Variants in UMOD observed in about 807,000 individuals in gnomAD.
UMOD encodes Tamm-Horsfall urinary glycoprotein.
In UMOD, 64 loss-of-function variants were observed where a neutral mutation model predicts 66.0. That is an observed-to-expected ratio of 0.97 (90% CI 0.79 to 1.19). UMOD has a LOEUF of 1.19. Ranked by LOEUF, UMOD falls within the 50% of genes most tolerant of loss-of-function variation. UMOD has a pLI of 0.00. For missense variants in UMOD, 764 were observed against 850.9 expected, an observed-to-expected ratio of 0.90 and a Z score of 1.27; for synonymous variants, 398 against 352.7, an observed-to-expected ratio of 1.13 and a Z score of -1.44.
At chr16:20,346,589 T>TG (rs983236173) in intron 4 of UMOD, among the ~76,000 whole-genome samples, 2 of 152,182 alleles carry the variant, frequency 1.3e-5, no homozygotes, top group African/African-American at 4.8e-5. Context: ...AGGACGGTTT[T>TG]GGGGGGTTTT....
At chr16:20,353,363 C>T (rs1315130446), upstream of UMOD, among the ~76,000 whole-genome samples, 1 of 152,198 alleles carries the variant, frequency 6.6e-6, no homozygotes, top group Admixed American at 6.5e-5. Context: ...CTTAAATAGA[C>T]TGACTTTGGA....
chr16:20,355,137 A>T (rs13334589), upstream of UMOD, among the ~76,000 whole-genome samples: 21,297 of 151,956 alleles, frequency 0.14, 1,815 homozygotes, highest in Middle Eastern at 0.18. Flanking sequence ...ACTTCCCAGC[A>T]GCTCTTCCTC....
At chr16:20,350,623 T>A (rs1338133967) in intron 2 of UMOD, 27 bp downstream of exon 2, 4 of 1,613,442 alleles carry the variant, frequency 2.5e-6, no homozygotes, top group Non-Finnish European at 2.5e-6. Context: ...TACACACATA[T>A]ACAACGCACA....
intron 9 of UMOD, among the ~76,000 whole-genome samples, chr16:20,336,192 T>C (rs1964856902): frequency 6.6e-6 from 1 of 152,140 alleles, no homozygotes. Flanking sequence ...CTGCACTTAA[T>C]GGATCACCCA....
chr16:20,335,824 C>G (rs1454438748), intron 9 of UMOD, among the ~76,000 whole-genome samples: 1 of 152,164 alleles, frequency 6.6e-6, no homozygotes, highest in Non-Finnish European at 1.5e-5. Flanking sequence ...GCCACAGGCC[C>G]TTTGCCCAAG....
chr16:20,343,896 A>T, intron 6 of UMOD, 128 bp downstream of exon 6: 1 of 1,165,642 alleles, frequency 8.6e-7, no homozygotes, highest in Non-Finnish European at 1.2e-6. Flanking sequence ...TGGCTCTTCC[A>T]TTGGGCAACC....
At position 20,333,306 on chromosome 16, in the gene UMOD, G is replaced by A. The variant is rs199904726; in HGVS notation, c.*8C>T. The A allele has an allele frequency of 5.5e-4, 888 of 1,612,440 alleles. 2 individuals are homozygous for A. Among genetic ancestry groups the A allele is most frequent in the African/African-American group, 6.8e-4 (51 of 74,998 alleles). On this transcript the variant is annotated 3_prime_UTR_variant, in exon 11 of 11. Coordinates refer to ENST00000396138, the MANE Select transcript of UMOD (RefSeq NM_003361.4). Reference sequence around the variant, plus strand: ...GCAGCCATGGAGCACAGGGCTTTCCGCTGTCAGTCACTGAAAAGTCAGGGT... The same window carrying A: ...GCAGCCATGGAGCACAGGGCTTTCCACTGTCAGTCACTGAAAAGTCAGGGT...
At chr16:20,353,683 G>A (rs1366702630), upstream of UMOD, among the ~76,000 whole-genome samples, 1 of 152,032 alleles carries the variant, frequency 6.6e-6, no homozygotes, top group Admixed American at 6.5e-5. Flanking sequence ...GAGAGTGGCT[G>A]TCATCATGTT....
intron 1 of UMOD, 73 bp from the exon 2 acceptor site, chr16:20,350,912 TGTATA>T: frequency 6.9e-7 from 1 of 1,446,644 alleles, no homozygotes; most frequent in Non-Finnish European, 9.2e-7. Flanking sequence ...GTGCTTTGAT[TGTATA>T]GTATACAACT....
chr16:20,336,533 C>T (rs1335301588), intron 9 of UMOD, 113 bp downstream of exon 9: 4 of 989,654 alleles, frequency 4.0e-6, no homozygotes, highest in East Asian at 4.9e-5. Flanking sequence ...GATCCACTTG[C>T]TCCCAGTTCT....
At chr16:20,341,724 C>T (rs1186282068) in intron 6 of UMOD, among the ~76,000 whole-genome samples, 3 of 152,186 alleles carry the variant, frequency 2.0e-5, no homozygotes, top group Non-Finnish European at 4.4e-5. Context: ...AAATTATTGA[C>T]AGGAACACCT....
At chr16:20,344,921 C>G (rs1388131416) in intron 5 of UMOD, among the ~76,000 whole-genome samples, 2 of 152,210 alleles carry the variant, frequency 1.3e-5, no homozygotes, top group East Asian at 3.8e-4. Context: ...TTCAGCACCC[C>G]GTGCTTCCTC....
At chr16:20,347,711 G>A (rs1344814254) in intron 4 of UMOD, among the ~76,000 whole-genome samples, 1 of 152,158 alleles carries the variant, frequency 6.6e-6, no homozygotes, top group Non-Finnish European at 1.5e-5. Flanking sequence ...TTGTAAAGTT[G>A]GCACTTGGAT....
In UMOD at chr16:20,349,928, C is replaced by G. The variant is rs1038307692; in HGVS notation, c.89-716G>C. 3.3e-6 allele frequency: 5 copies of G among 1,500,286 alleles called. No homozygotes were observed. The African/African-American group carries it at 7.1e-5, about 21-fold the overall frequency. The allele number at this position is 1,500,286 out of a possible 1,614,324, so 92.9% of individuals were successfully genotyped here. A position where few individuals can be genotyped will look rare whatever the true frequency, so the allele number is the denominator to read the frequency against. Reference sequence around the variant, plus strand: ...GAAGCTGTTGTTTATTAAGCAATTACTATATGCCAGGCAATAGGATGTGCA... The same window carrying G: ...GAAGCTGTTGTTTATTAAGCAATTAGTATATGCCAGGCAATAGGATGTGCA... On this transcript the variant is annotated intron_variant, in intron 2 of 10. Coordinates refer to ENST00000396138, the MANE Select transcript of UMOD (RefSeq NM_003361.4).
chr16:20,345,504 C>CTCCCTTCCTTCCTTCCTTCCTTCCTTCT (rs1965525874), intron 5 of UMOD, among the ~76,000 whole-genome samples: 2 of 64,594 alleles, frequency 3.1e-5, no homozygotes, highest in Non-Finnish European at 6.7e-5. Context: ...CCCTCCCTCC[C>CTCCCTTCCTTCCTTCCTTCCTTCCTTCT]TTCCTTCCTT....
Position 20,337,272 on chromosome 16 carries a change from G to A in UMOD, c.1740+19C>T. 7 of 1,614,050 alleles carry A rather than the reference G, an allele frequency of 4.3e-6. No homozygotes were observed. The highest frequency in any genetic ancestry group is 5.9e-6 in the Non-Finnish European group (7 of 1,179,940). On this transcript the variant is annotated intron_variant, in intron 8 of 10. Transcript: ENST00000396138. ...TCTTTGGTTACAAGAGATGGGCTGG[G>A]GGAGGGGAGTCAACTCACAGGCTTG...
intron 7 of UMOD, 83 bp downstream of exon 7, chr16:20,341,008 A>C (rs1469209798): frequency 7.0e-7 from 1 of 1,420,066 alleles, no homozygotes; most frequent in Non-Finnish European, 9.6e-7. Flanking sequence ...AAAAAAAAAA[A>C]AGATGCAATT....
At chr16:20,335,560 A>C (rs1274361733) in intron 9 of UMOD, 40 bp from the exon 10 acceptor site, 4 of 1,602,972 alleles carry the variant, frequency 2.5e-6, no homozygotes, top group Non-Finnish European at 1.7e-6. Context: ...TAAAGAATGC[A>C]TGAGATTTGG....
chr16:20,355,821 C>T (rs1966022745), upstream of UMOD, among the ~76,000 whole-genome samples: 1 of 152,158 alleles, frequency 6.6e-6, no homozygotes, highest in Admixed American at 6.6e-5. Context: ...GCTTTTGCCT[C>T]CATTGTCTCA....
Sources: allele counts gnomAD v4.1 joint callset (sites outside exome capture counted in the v4.1 genomes callset), GRCh38; gene constraint gnomAD v4.1.1; transcripts MANE v1.5; gene names NCBI Gene and HGNC (gene_info 2026-07-23, HGNC 2026-07-21).